Variants in SASH1 observed in about 807,000 individuals in gnomAD.
The protein encoded by SASH1 is SAM and SH3 domain-containing protein 1.
SASH1 carries 44 observed loss-of-function variants against 125.2 expected under a neutral mutation model. The ratio of observed to expected loss-of-function variants is 0.35; its 90% CI spans 0.28 to 0.45. The LOEUF is 0.45. Ranked by LOEUF, SASH1 falls within the 20% of genes least tolerant of loss-of-function variation. SASH1 has a pLI of 1.00. For missense variants in SASH1, 1,426 were observed against 1,614.5 expected, an observed-to-expected ratio of 0.88 and a Z score of 2.00; for synonymous variants, 639 against 649.1, an observed-to-expected ratio of 0.98 and a Z score of 0.24.
chr6:148,207,359 A>G, the SASH1 span, among the ~76,000 whole-genome samples: 3 of 152,218 alleles, frequency 2.0e-5, no homozygotes, highest in Non-Finnish European at 4.4e-5. Flanking sequence ...TCATGTGGCT[A>G]GTGGCTACCA....
At chr6:148,507,305 T>G (rs542639157) in intron 8 of SASH1, among the ~76,000 whole-genome samples, 22 of 152,232 alleles carry the variant, frequency 1.4e-4, no homozygotes, top group African/African-American at 4.6e-4. Flanking sequence ...ACCCGCAATG[T>G]GTGCGTGGTA....
At position 148,369,775 on chromosome 6, in the gene SASH1, G is replaced by A. The variant is rs146832528; in HGVS notation, c.157-20359G>A. Among the ~76,000 whole-genome samples, 792 of 151,896 alleles carry A rather than the reference G, an allele frequency of 5.2e-3. 9 individuals carry two copies. Among genetic ancestry groups the A allele is most frequent in the African/African-American group, 0.017 (706 of 41,464 alleles). ...TTGAGACCAGCCTGGCCAGCATGGCGAAACCCCATCTCTACTAAAAATACA... is the reference window on the plus strand; with the variant it reads ...TTGAGACCAGCCTGGCCAGCATGGCAAAACCCCATCTCTACTAAAAATACA... On this transcript the variant is annotated intron_variant, in intron 1 of 19. Coordinates refer to ENST00000367467, the MANE Select transcript of SASH1 (RefSeq NM_015278.5).
At chr6:148,412,197 T>C (rs1213781641) in intron 2 of SASH1, among the ~76,000 whole-genome samples, 2 of 152,228 alleles carry the variant, frequency 1.3e-5, no homozygotes, top group African/African-American at 4.8e-5. Flanking sequence ...ATACAAGGAT[T>C]GAGAAATTTA....
At chr6:148,259,494 C>T in the SASH1 span, among the ~76,000 whole-genome samples, 33 of 152,296 alleles carry the variant, frequency 2.2e-4, no homozygotes, top group African/African-American at 5.3e-4. Flanking sequence ...CTGTTGAAGG[C>T]GCCACGAAGA....
chr6:148,355,994 C>T (rs921208763), intron 1 of SASH1, among the ~76,000 whole-genome samples: 1 of 151,744 alleles, frequency 6.6e-6, no homozygotes. Flanking sequence ...GTACACAGCA[C>T]TCAGTGTGCA....
At chr6:148,449,087 T>TTTC (rs1776962438) in intron 4 of SASH1, among the ~76,000 whole-genome samples, 1 of 142,958 alleles carries the variant, frequency 7.0e-6, no homozygotes, top group Admixed American at 7.0e-5. Flanking sequence ...TCTTTTTTTT[T>TTTC]TTTTTTGGAG....
At chr6:148,326,165 T>C (rs188907301) in intron 1 of SASH1, among the ~76,000 whole-genome samples, 2,688 of 148,880 alleles carry the variant, frequency 0.018, 42 homozygotes, top group Non-Finnish European at 0.027. Context: ...GTAGCTGGGA[T>C]TACAGGTGTC....
At position 148,532,306 on chromosome 6, in the gene SASH1, G is replaced by A. The variant is rs1468869249; in HGVS notation, c.1565-491G>A. Among the ~76,000 whole-genome samples the A allele has an allele frequency of 1.3e-5, 2 of 152,124 alleles. No individual in the cohort carries two copies. The highest frequency in any genetic ancestry group is 4.8e-5 in the African/African-American group (2 of 41,430). On this transcript the variant is annotated intron_variant, in intron 13 of 19. Coordinates refer to ENST00000367467, the MANE Select transcript of SASH1 (RefSeq NM_015278.5). The surrounding 1 kb of genome is among the most constrained non-coding windows in gnomAD (Gnocchi z 4.7). The stretch of plus-strand genomic sequence containing the variant: ...GCTGGTGGAACTCCTGGACTCAAGC[G>A]ATCTGCCCACCTCGGCCTCCTAAAG...
the SASH1 span, among the ~76,000 whole-genome samples, chr6:148,224,001 A>G: frequency 1.3e-5 from 2 of 152,214 alleles, no homozygotes; most frequent in Admixed American, 1.3e-4. Flanking sequence ...AAAAATAAAA[A>G]GTCTTACATG....
At chr6:148,384,936 G>A (rs1783300700) in intron 1 of SASH1, among the ~76,000 whole-genome samples, 1 of 152,122 alleles carries the variant, frequency 6.6e-6, no homozygotes, top group African/African-American at 2.4e-5. Flanking sequence ...AATTTTGAGT[G>A]GGTAAAGATA....
chr6:148,429,385 TAAAAAAAAAAAAAAAAAAA>T (rs61460366), intron 2 of SASH1, among the ~76,000 whole-genome samples: 1 of 73,938 alleles, frequency 1.4e-5, no homozygotes, highest in Non-Finnish European at 2.4e-5. Context: ...CCCTGTCTCT[TAAAAAAAAAAAAAAAAAAA>T]AAAAAAAAGA....
rs181580926 is a variant in SASH1 at position 148,304,586 on chromosome 6, G to A, written n.74+32209G>A. Among the ~76,000 whole-genome samples, 1,112 of 151,956 alleles carry A rather than the reference G, an allele frequency of 7.3e-3. 9 individuals are homozygous for A. The highest frequency in any genetic ancestry group is 0.013 in the Non-Finnish European group (851 of 67,980). ...GACCACGCCACTGCACTCCAGCATG[G>A]GCGACAGAGTGAGACTCCATCTCAA... On this transcript the variant is annotated intron_variant and non_coding_transcript_variant, in intron 1 of 3. Coordinates refer to the SASH1 transcript ENST00000367469.
At position 148,390,137 on chromosome 6, in the gene SASH1, G is replaced by A. The variant is rs937939084; in HGVS notation, c.160G>A (p.Gly54Ser). The A allele has an allele frequency of 9.9e-6, 16 of 1,612,862 alleles. No individual in the cohort carries two copies. Among genetic ancestry groups the A allele is most frequent in the Non-Finnish European group, 1.2e-5 (14 of 1,179,432 alleles). ...CTTTGTTTGTCCACCCCTTCAGGAC[G>A]GTTCACTGGGAAACATCGATGACCT... The part of the protein sequence containing the change: ...LWTDVMGILD[G>S]SLGNIDDLAQ... Residue 54 changes from glycine (G) to serine (S), a missense_variant, in exon 2 of 20, where the codon GGT (glycine) becomes AGT (serine). Physicochemically the swap from Gly to Ser is moderately conservative, Grantham distance 56. This residue lies in a region of SASH1 where 567 missense variants were observed against 575.6 expected (regional missense o/e 0.99). Coordinates refer to ENST00000367467, the MANE Select transcript of SASH1 (RefSeq NM_015278.5).
In SASH1 at chr6:148,550,303, C is replaced by CA. The variant is rs1782816127; in HGVS notation, c.*1747dup. 1 of 152,180 alleles carries CA rather than the reference C, an allele frequency of 6.6e-6. No homozygotes were observed. The highest frequency in any genetic ancestry group is 2.4e-5 in the African/African-American group (1 of 41,434). The allele number at this position is 152,180 out of a possible 1,614,324, so 9.4% of individuals were successfully genotyped here. ...ATTTATAATAGAAACACCTTGACCA[C>CA]AAGCCCTTGATTGAACATTTTATAA... On this transcript the variant is annotated 3_prime_UTR_variant, in exon 20 of 20. Transcript: ENST00000367467.
chr6:148,327,280 T>G (rs1016989450), intron 1 of SASH1, among the ~76,000 whole-genome samples: 3 of 151,226 alleles, frequency 2.0e-5, no homozygotes, highest in Non-Finnish European at 4.4e-5. Context: ...ACATACAATA[T>G]AAATTTCTTT....
In SASH1 at chr6:148,548,797, T is replaced by G. The variant is rs1237060799; in HGVS notation, c.*239T>G. On this transcript the variant is annotated 3_prime_UTR_variant, in exon 20 of 20. Transcript: ENST00000367467. ...CCCCCAAAGACAAGACAAGCACTTA[T>G]TTTTATTTTCAGAAGACAAAAGAAC... The G allele has an allele frequency of 2.0e-5, 9 of 441,634 alleles. No homozygotes were observed. Among genetic ancestry groups the G allele is most frequent in the Non-Finnish European group, 3.2e-5 (8 of 252,360 alleles). The allele number at this position is 441,634 out of a possible 1,614,324, so 27.4% of individuals were successfully genotyped here. A position where few individuals can be genotyped will look rare whatever the true frequency, so the allele number is the denominator to read the frequency against.
At chr6:148,434,063 ATTTTTTTTTTTTT>A (rs758854072) in intron 2 of SASH1, among the ~76,000 whole-genome samples, 36 of 69,422 alleles carry the variant, frequency 5.2e-4, no homozygotes, top group African/African-American at 9.4e-4. Context: ...GGAACTGGAG[ATTTTTTTTTTTTT>A]TTTTTTTTTT....
At chr6:148,360,240 C>T (rs1422871068) in intron 1 of SASH1, among the ~76,000 whole-genome samples, 1 of 150,876 alleles carries the variant, frequency 6.6e-6, no homozygotes, top group Non-Finnish European at 1.5e-5. Context: ...AGTCAGTCAT[C>T]GTAATTGATT....
chr6:148,266,759 C>G, the SASH1 span, among the ~76,000 whole-genome samples: 1 of 151,406 alleles, frequency 6.6e-6, no homozygotes, highest in Non-Finnish European at 1.5e-5. Flanking sequence ...CACCACCATG[C>G]CCAGCCAATT....
Sources: gnomAD v4.1 joint callset for allele counts (sites outside exome capture counted in the v4.1 genomes callset) on GRCh38, gnomAD v4.1.1 for gene constraint, gnomAD v4.1.1 regional missense constraint, Gnocchi (gnomAD v3.1) non-coding constraint, MANE v1.5 for transcripts, NCBI Gene and HGNC (gene_info 2026-07-23, HGNC 2026-07-21) for gene names.